The following KAT6B variants were observed in gnomAD, a reference collection of about 807,000 sequenced individuals.
KAT6B encodes the protein histone acetyltransferase KAT6B.
Under a neutral mutation model 187.5 loss-of-function variants are expected in KAT6B, and 10 were observed. The observed-to-expected ratio is 0.05, with a 90% confidence interval of 0.03 to 0.09. The LOEUF (loss-of-function observed/expected upper bound fraction) is 0.09, where lower values mean the gene tolerates loss of function less well. KAT6B is among the 10% of genes least tolerant of loss of function. KAT6B has a pLI of 1.00. For synonymous variants in KAT6B, 861 were observed against 926.8 expected (o/e 0.93, Z 1.29); for missense variants, 1,952 against 2,558.9 (o/e 0.76, Z 5.12).
At chr10:75,002,224 T>C (rs1489111343) in intron 13 of KAT6B, among the ~76,000 whole-genome samples, 2 of 152,146 alleles carry the variant, frequency 1.3e-5, no homozygotes, top group Admixed American at 6.5e-5. Flanking sequence ...ATAAAGTCTG[T>C]CTGGGGGAGG....
At chr10:74,907,506 T>G (rs560310617) in intron 3 of KAT6B, among the ~76,000 whole-genome samples, 2 of 152,206 alleles carry the variant, frequency 1.3e-5, no homozygotes, top group Admixed American at 1.3e-4. Context: ...TCATGTGACT[T>G]TTCTTTTTTC....
At chr10:74,867,657 G>A (rs1843648333) in intron 3 of KAT6B, among the ~76,000 whole-genome samples, 2 of 152,210 alleles carry the variant, frequency 1.3e-5, no homozygotes, top group African/African-American at 2.4e-5. Flanking sequence ...TGGCTCTGCC[G>A]CCTTGCAGAT....
intron 3 of KAT6B, among the ~76,000 whole-genome samples, chr10:74,846,787 G>A (rs1346901343): frequency 2.6e-5 from 4 of 152,014 alleles, no homozygotes; most frequent in Admixed American, 1.3e-4. Context: ...ATTCCTTAAG[G>A]GACTATAGAG....
chr10:74,913,942 TTGGGAGGG>T (rs1168648319), intron 3 of KAT6B, among the ~76,000 whole-genome samples: 1 of 152,104 alleles, frequency 6.6e-6, no homozygotes, highest in Non-Finnish European at 1.5e-5. Context: ...TCCTAGCACT[TTGGGAGGG>T]TGAGGCAGGC....
intron 13 of KAT6B, among the ~76,000 whole-genome samples, chr10:75,011,916 G>A (rs1844634383): frequency 6.6e-6 from 1 of 152,130 alleles, no homozygotes; most frequent in Non-Finnish European, 1.5e-5. Flanking sequence ...AGGCACCACT[G>A]CTACCACTAT....
intron 3 of KAT6B, among the ~76,000 whole-genome samples, chr10:74,908,959 C>T (rs7899542): frequency 0.21 from 31,927 of 152,130 alleles, 5,871 homozygotes; most frequent in African/African-American, 0.49. Context: ...GTCTCTGAAC[C>T]AAGGTTTCTT....
chr10:75,030,750 G>T lies in KAT6B; in HGVS notation c.5926G>T (p.Ala1976Ser). The T allele has an allele frequency of 6.2e-7, 1 of 1,614,206 alleles. No homozygotes were observed. Among genetic ancestry groups the T allele is most frequent in the Non-Finnish European group, 8.5e-7 (1 of 1,180,040 alleles). Residue 1976 changes from alanine to serine, a missense_variant, in exon 18 of 18, where the codon GCC becomes TCC. Transcript: ENST00000287239. The surrounding 1 kb of genome is among the most constrained non-coding windows in gnomAD (Gnocchi z 4.8). ...GAGTGTGAACCTGATGCCAGCGCCAGCCTACAATGTCAACTCTGTGAACAT... is the reference window on the plus strand; with the variant it reads ...GAGTGTGAACCTGATGCCAGCGCCATCCTACAATGTCAACTCTGTGAACAT... Reference protein sequence around the residue: ...NMSVNLMPAPAYNVNSVNMNM... With the variant: ...NMSVNLMPAPSYNVNSVNMNM...
In KAT6B at chr10:75,029,104, A is replaced by G; in HGVS notation, c.4280A>G (p.Asp1427Gly). 2 of 1,614,190 alleles carry G rather than the reference A, an allele frequency of 1.2e-6. No homozygotes were observed. Among genetic ancestry groups the G allele is most frequent in the Non-Finnish European group, 1.7e-6 (2 of 1,180,018 alleles). The change falls in exon 18 of 18, where the codon GAT becomes GGT. Residue 1427 changes from aspartate (D) to glycine (G), a missense_variant. Coordinates refer to ENST00000287239, the MANE Select transcript of KAT6B (RefSeq NM_012330.4). The surrounding 1 kb of genome is among the most constrained non-coding windows in gnomAD (Gnocchi z 6.2). The stretch of plus-strand genomic sequence containing the variant: ...TCCCACAACGAGGACCATGATGCCG[A>G]TGACGAGGATGACAGCCACATGGAG... Reference protein sequence around the residue: ...EPSHNEDHDADDEDDSHMESA... With the variant: ...EPSHNEDHDAGDEDDSHMESA...
intron 3 of KAT6B, among the ~76,000 whole-genome samples, chr10:74,875,383 T>A (rs1844339488): frequency 6.6e-6 from 1 of 152,160 alleles, no homozygotes. Flanking sequence ...CAATCTTGAA[T>A]AGTGAGGGGA....
intron 1 of KAT6B, among the ~76,000 whole-genome samples, chr10:74,833,376 C>G (rs1277768527): frequency 1.3e-5 from 2 of 152,152 alleles, no homozygotes; most frequent in African/African-American, 4.8e-5. Context: ...CTGATGACTT[C>G]AAATGACTTT....
At chr10:74,973,057 CCT>C (rs1307757263) in intron 7 of KAT6B, among the ~76,000 whole-genome samples, 1 of 152,152 alleles carries the variant, frequency 6.6e-6, no homozygotes, top group Non-Finnish European at 1.5e-5. Flanking sequence ...TAGAAAAATA[CCT>C]CTCTCTTCTG....
chr10:74,852,968 C>G (rs1212093299), intron 3 of KAT6B, among the ~76,000 whole-genome samples: 1 of 152,134 alleles, frequency 6.6e-6, no homozygotes, highest in African/African-American at 2.4e-5. Flanking sequence ...CTGGTTTATT[C>G]TGATTTTGTC....
chr10:74,946,946 G>A (rs75701734), intron 3 of KAT6B, among the ~76,000 whole-genome samples: 3,999 of 152,090 alleles, frequency 0.026, 120 homozygotes, highest in African/African-American at 0.072. Context: ...GGTTAAAATG[G>A]TAAATTTTAT....
intron 3 of KAT6B, among the ~76,000 whole-genome samples, chr10:74,890,321 G>T (rs1034703834): frequency 6.6e-6 from 1 of 152,128 alleles, no homozygotes; most frequent in Non-Finnish European, 1.5e-5. Flanking sequence ...CAGAAGAAAA[G>T]GGAGGTGAGC....
intron 4 of KAT6B, among the ~76,000 whole-genome samples, chr10:74,962,152 G>A (rs548539676): frequency 2.6e-5 from 4 of 152,312 alleles, no homozygotes; most frequent in East Asian, 3.9e-4. Context: ...AAAAACTATT[G>A]TTCCTAACGC....
Position 75,030,721 on chromosome 10 carries a change from A to G in KAT6B, c.5897A>G (p.Asn1966Ser). The change falls in exon 18 of 18, where the codon AAC (asparagine) becomes AGC (serine). Residue 1966 changes from asparagine to serine, a missense_variant. Transcript: ENST00000287239. This position sits in a 1 kb window ranked among gnomAD's most constrained non-coding sequence, Gnocchi z 4.8. Reference sequence around the variant, plus strand: ...ACTTTAACGATGCAAAGAGGCATGAACATGAGTGTGAACCTGATGCCAGCG... The same window carrying G: ...ACTTTAACGATGCAAAGAGGCATGAGCATGAGTGTGAACCTGATGCCAGCG... The part of the protein sequence containing the change: ...ARTLTMQRGM[N>S]MSVNLMPAPA... The G allele has an allele frequency of 6.2e-7, 1 of 1,614,238 alleles. No homozygotes were observed. Among genetic ancestry groups the G allele is most frequent in the Non-Finnish European group, 8.5e-7 (1 of 1,180,046 alleles).
At chr10:74,960,914 A>T (rs972721168) in intron 4 of KAT6B, among the ~76,000 whole-genome samples, 1 of 152,180 alleles carries the variant, frequency 6.6e-6, no homozygotes, top group African/African-American at 2.4e-5. Flanking sequence ...ATCATCACTT[A>T]TGACAGCTGC....
chr10:74,982,203 A>G lies in KAT6B; in HGVS notation c.2373+275A>G, dbSNP rs1263657597. The G allele has an allele frequency of 1.5e-5, 6 of 410,192 alleles. No homozygotes were observed. In the Admixed American group the frequency reaches 2.2e-4, roughly 15 times the overall value. 25.4% of individuals were successfully genotyped at this position (410,192 alleles called of 1,614,324 possible). A position where few individuals can be genotyped will look rare whatever the true frequency, so the allele number is the denominator to read the frequency against. ...TAGATATATTCACCATGAATTTATG[A>G]TCTCCTCAGCTCTTTGTAAATTCTA... On this transcript the variant is annotated intron_variant, in intron 11 of 17. Coordinates refer to ENST00000287239, the MANE Select transcript of KAT6B (RefSeq NM_012330.4).
intron 1 of KAT6B, among the ~76,000 whole-genome samples, chr10:74,830,750 A>ATATATATATATATATATATATG (rs1840723485): frequency 1.4e-4 from 3 of 20,724 alleles, no homozygotes; most frequent in African/African-American, 3.6e-4. Flanking sequence ...ATATATATAT[A>ATATATATATATATATATATATG]TATATATATA....
Sources: allele counts gnomAD v4.1 joint callset (sites outside exome capture counted in the v4.1 genomes callset), GRCh38; gene constraint gnomAD v4.1.1; non-coding constraint Gnocchi (gnomAD v3.1); transcripts MANE v1.5; gene names NCBI Gene and HGNC (gene_info 2026-07-23, HGNC 2026-07-21).